The following MCUB variants were observed in gnomAD, a reference collection of about 807,000 sequenced individuals.
MCUB encodes the protein calcium uniporter regulatory subunit MCUb, mitochondrial.
A neutral mutation model predicts 41.4 loss-of-function variants in MCUB; 46 were observed. That is an observed-to-expected ratio of 1.11 (90% CI 0.88 to 1.42). MCUB has a LOEUF of 1.42. Among genes scored for constraint, MCUB ranks in the 40% most tolerant of loss-of-function variants. The pLI, the probability that MCUB is intolerant of heterozygous loss-of-function variation, is 0.00. For synonymous variants in MCUB, 148 were observed against 148.2 expected, an observed-to-expected ratio of 1.00 and a Z score of 0.01; for missense variants, 403 against 404.9, an observed-to-expected ratio of 1.00 and a Z score of 0.04.
At chr4:109,648,639 T>C in intron 1 of MCUB, 1 of 446,354 alleles carries the variant, frequency 2.2e-6, no homozygotes, top group Non-Finnish European at 4.4e-6. Flanking sequence ...GGGAGATACA[T>C]AGATCTAGAG....
chr4:109,560,452 G>C lies in MCUB; in HGVS notation c.99+16G>C. 1 of 1,185,744 alleles carries C rather than the reference G, an allele frequency of 8.4e-7. No homozygotes were observed. The highest frequency in any genetic ancestry group is 1.1e-6 in the Non-Finnish European group (1 of 931,014). The allele number at this position is 1,185,744 out of a possible 1,614,324, so 73.5% of individuals were successfully genotyped here. ...TCCGCCCCAGGTAAGAGCGGGTGCC[G>C]GGCTGTGGGGGTTCGGGGTAGGCTG... On this transcript the variant is annotated intron_variant, in intron 1 of 7. Coordinates refer to ENST00000394650, the MANE Select transcript of MCUB (RefSeq NM_017918.5).
chr4:109,672,469 T>C (rs1448385202), intron 4 of MCUB, among the ~76,000 whole-genome samples: 1 of 152,228 alleles, frequency 6.6e-6, no homozygotes, highest in Non-Finnish European at 1.5e-5. Context: ...TGGCTAGTAT[T>C]GGCTCCTGAG....
intron 1 of MCUB, among the ~76,000 whole-genome samples, chr4:109,580,438 C>A (rs148009164): frequency 6.6e-6 from 1 of 152,128 alleles, no homozygotes; most frequent in Non-Finnish European, 1.5e-5. Context: ...AGTTCTAGAT[C>A]CCTGAGGATT....
At position 109,688,399 on chromosome 4, in the gene MCUB, G is replaced by A. The variant is rs1418905663; in HGVS notation, c.*807G>A. 1 of 152,164 alleles carries A rather than the reference G, an allele frequency of 6.6e-6. No homozygotes were observed. The highest frequency in any genetic ancestry group is 1.9e-4 in the East Asian group (1 of 5,198). 9.4% of individuals were successfully genotyped at this position (152,164 alleles called of 1,614,324 possible). ...GAAGATGCTGACAGAATCAGATTTT[G>A]CAGGTGTTCAACCTATAGTGGCTAA... On this transcript the variant is annotated 3_prime_UTR_variant, in exon 8 of 8. Coordinates refer to ENST00000394650, the MANE Select transcript of MCUB (RefSeq NM_017918.5).
intron 1 of MCUB, among the ~76,000 whole-genome samples, chr4:109,629,260 A>G (rs1728424385): frequency 6.6e-6 from 1 of 152,036 alleles, no homozygotes. Context: ...CCTCAGCCTT[A>G]AGAGCTTAAG....
chr4:109,681,580 C>A, intron 4 of MCUB: 1 of 358,088 alleles, frequency 2.8e-6, no homozygotes, highest in South Asian at 2.1e-5. Flanking sequence ...TGCAGTGTTA[C>A]AGCTCTATTA....
At chr4:109,566,426 C>T (rs1260680861) in intron 1 of MCUB, among the ~76,000 whole-genome samples, 4 of 150,206 alleles carry the variant, frequency 2.7e-5, no homozygotes, top group Non-Finnish European at 5.9e-5. Flanking sequence ...GCCGAGATCG[C>T]GCCACTGCAC....
rs896640850 is a variant in MCUB, at chr4:109,647,847, A to G, written c.100-11164A>G. Among the ~76,000 whole-genome samples, 56 of 152,148 alleles carry G rather than the reference A, an allele frequency of 3.7e-4. 1 individual carries two copies. The highest frequency in any genetic ancestry group is 4.4e-5 in the Non-Finnish European group (3 of 68,026). On this transcript the variant is annotated intron_variant, in intron 1 of 7. Coordinates refer to ENST00000394650, the MANE Select transcript of MCUB (RefSeq NM_017918.5). ...GGATGTAGAACTGCACCTGGCCCACATAATTGTGTGTCCGCACCTGTTGGG... is the reference window on the plus strand; with the variant it reads ...GGATGTAGAACTGCACCTGGCCCACGTAATTGTGTGTCCGCACCTGTTGGG...
intron 1 of MCUB, among the ~76,000 whole-genome samples, chr4:109,652,709 C>T (rs982622905): frequency 6.6e-6 from 1 of 152,162 alleles, no homozygotes; most frequent in Non-Finnish European, 1.5e-5. Context: ...CTCCCAGCAC[C>T]GTTGCATTGG....
At chr4:109,686,379 T>A (rs1729836702) in intron 7 of MCUB, among the ~76,000 whole-genome samples, 1 of 152,204 alleles carries the variant, frequency 6.6e-6, no homozygotes, top group Non-Finnish European at 1.5e-5. Flanking sequence ...CCTCAAGTGA[T>A]CCACCTGCCT....
intron 1 of MCUB, among the ~76,000 whole-genome samples, chr4:109,638,883 A>AT (rs897205206): frequency 6.6e-6 from 1 of 152,198 alleles, no homozygotes; most frequent in Non-Finnish European, 1.5e-5. Context: ...TGAAAGTTTT[A>AT]TTATGAGATT....
chr4:109,640,806 G>A (rs1463732362), intron 1 of MCUB, among the ~76,000 whole-genome samples: 3 of 152,150 alleles, frequency 2.0e-5, no homozygotes, highest in Non-Finnish European at 4.4e-5. Flanking sequence ...TGTGTTCACT[G>A]GAGTAGCACA....
At chr4:109,595,813 C>A in intron 1 of MCUB, among the ~76,000 whole-genome samples, 1 of 152,242 alleles carries the variant, frequency 6.6e-6, no homozygotes, top group East Asian at 1.9e-4. Context: ...GATAAAATCA[C>A]CAATAATTGA....
At chr4:109,624,318 G>A (rs1728316747) in intron 1 of MCUB, among the ~76,000 whole-genome samples, 1 of 152,188 alleles carries the variant, frequency 6.6e-6, no homozygotes, top group African/African-American at 2.4e-5. Context: ...CCAGGCATTT[G>A]CTCCGGCTGT....
rs1729168518 is a variant in MCUB, at chr4:109,659,085, T to C, written c.174T>C (p.Asp58=). The C allele has an allele frequency of 2.1e-6, 3 of 1,458,230 alleles. No homozygotes were observed. Among genetic ancestry groups the C allele is most frequent in the Middle Eastern group, 1.7e-4 (1 of 5,764 alleles). The allele number at this position is 1,458,230 out of a possible 1,614,324, so 90.3% of individuals were successfully genotyped here. Residue 58 remains aspartate, a splice_region_variant and synonymous_variant, in exon 2 of 8, where the codon GAT becomes GAC. Coordinates refer to ENST00000394650, the MANE Select transcript of MCUB (RefSeq NM_017918.5). The stretch of plus-strand genomic sequence containing the variant: ...ATTATAGTACCGTGGTGCCACCTGA[T>C]GGTAAGCTTTCTTACCATTTATTTG... ...SHHYSTVVPP[D]EITVIYRHGL...
intron 4 of MCUB, among the ~76,000 whole-genome samples, chr4:109,676,155 T>A (rs1729573100): frequency 6.6e-6 from 1 of 152,110 alleles, no homozygotes; most frequent in African/African-American, 2.4e-5. Flanking sequence ...TAAGGACAAT[T>A]CTGGTCAGGG....
At chr4:109,615,652 G>T (rs1052017786) in intron 1 of MCUB, among the ~76,000 whole-genome samples, 47 of 151,948 alleles carry the variant, frequency 3.1e-4, no homozygotes, top group African/African-American at 1.0e-3. Flanking sequence ...CTTGTGATCC[G>T]CCCGCCTCGG....
At chr4:109,561,858 C>A (rs1726647207) in intron 1 of MCUB, among the ~76,000 whole-genome samples, 1 of 152,156 alleles carries the variant, frequency 6.6e-6, no homozygotes, top group South Asian at 2.1e-4. Context: ...AAGCGATTCT[C>A]CTACCTCAGC....
intron 4 of MCUB, among the ~76,000 whole-genome samples, chr4:109,670,719 CAAA>C (rs201042577): frequency 8.0e-6 from 1 of 125,088 alleles, no homozygotes. Flanking sequence ...ACTCTGTCTC[CAAA>C]AAAAAAAAAG....
Sources: allele counts gnomAD v4.1 joint callset (sites outside exome capture counted in the v4.1 genomes callset), GRCh38; gene constraint gnomAD v4.1.1; transcripts MANE v1.5; gene names NCBI Gene and HGNC (gene_info 2026-07-23, HGNC 2026-07-21).